MAST1: variants seen among roughly 807,000 people sequenced by gnomAD.
The protein encoded by MAST1 is microtubule associated serine/threonine kinase 1.
In MAST1, 40 loss-of-function variants were observed where a neutral mutation model predicts 124.6. The observed-to-expected ratio is 0.32, with a 90% confidence interval of 0.25 to 0.42. The LOEUF is 0.42. MAST1 is among the 10% of genes least tolerant of loss of function. MAST1 has a pLI of 1.00. For missense variants in MAST1, 1,558 were observed against 2,181.9 expected (o/e 0.71, Z 5.70); for synonymous variants, 938 against 939.4 (o/e 1.00, Z 0.03).
chr19:12,868,666 C>G lies in MAST1; in HGVS notation c.2590C>G (p.Leu864Val), dbSNP rs758880206. The G allele has an allele frequency of 6.2e-7, 1 of 1,604,594 alleles. No individual in the cohort carries two copies. Among genetic ancestry groups the G allele is most frequent in the Non-Finnish European group, 8.5e-7 (1 of 1,173,936 alleles). ...AGCTGACCGTCCACGCCCAGGTGAC[C>G]TCTGCCCACCCTCGAAGGATGGGGA... is the stretch of plus-strand genomic sequence containing the variant. ...EATDRPRPGD[L>V]CPPSKDGDAS... The change falls in exon 21 of 26, where the codon CTC (leucine) becomes GTC (valine). Residue 864 changes from leucine (L) to valine (V), a missense_variant. Coordinates refer to ENST00000251472, the MANE Select transcript of MAST1 (RefSeq NM_014975.3).
Position 12,864,922 on chromosome 19 carries a change from G to A in MAST1, c.1480G>A (p.Val494Met), listed in dbSNP as rs755153742. ...ALEYLHNYGI[V>M]HRDLKPDNLL... ...GGAGTATTTGCACAACTATGGCATC[G>A]TGCACCGCGACCTCAAGCCTGACAA... The change falls in exon 13 of 26, where the codon GTG (valine) becomes ATG (methionine). Residue 494 changes from valine to methionine, a missense_variant. Physicochemically the swap from Val to Met is conservative, Grantham distance 21. Transcript: ENST00000251472. 3.1e-6 allele frequency: 5 copies of A among 1,614,112 alleles called. No individual in the cohort carries two copies. The highest frequency in any genetic ancestry group is 1.7e-5 in the Admixed American group (1 of 60,002).
chr19:12,857,923 G>A (rs553524225), intron 10 of MAST1, among the ~76,000 whole-genome samples: 1 of 146,892 alleles, frequency 6.8e-6, no homozygotes, highest in African/African-American at 2.5e-5. Context: ...GGCTGAGGCA[G>A]GAGAATCACT....
chr19:12,840,872 A>C (rs2145882659), intron 2 of MAST1, 119 bp from the exon 3 acceptor site: 2 of 769,360 alleles, frequency 2.6e-6, no homozygotes, highest in East Asian at 2.4e-5. Flanking sequence ...GCCACAGGCG[A>C]AGGGGCGTGG....
At position 12,874,289 on chromosome 19, in the gene MAST1, G is replaced by T; in HGVS notation, c.4132G>T (p.Gly1378Cys). 6.3e-7 allele frequency: 1 copy of T among 1,591,750 alleles called. No individual in the cohort carries two copies. The highest frequency in any genetic ancestry group is 2.2e-5 in the East Asian group (1 of 44,452). The change falls in exon 26 of 26, where the codon GGT becomes TGT. Residue 1378 changes from glycine to cysteine, a missense_variant. Transcript: ENST00000251472. The surrounding 1 kb of genome is among the most constrained non-coding windows in gnomAD (Gnocchi z 6.6). ...ACTPPRATTP[G>C]GRTLERDVGC... ...CACCCCACCCCGCGCGACGACCCCCGGTGGCCGGACCCTGGAGCGGGACGT... is the reference window on the plus strand; with the variant it reads ...CACCCCACCCCGCGCGACGACCCCCTGTGGCCGGACCCTGGAGCGGGACGT...
intron 7 of MAST1, among the ~76,000 whole-genome samples, chr19:12,850,556 G>C (rs1330150486): frequency 1.3e-5 from 2 of 152,026 alleles, no homozygotes; most frequent in Admixed American, 6.6e-5. Flanking sequence ...TAATTTTACT[G>C]TCCTGGTTTT....
At position 12,865,597 on chromosome 19, in the gene MAST1, G is replaced by A; in HGVS notation, c.1804+116G>A. 1 of 1,470,650 alleles carries A rather than the reference G, an allele frequency of 6.8e-7. No homozygotes were observed. The highest frequency in any genetic ancestry group is 1.3e-5 in the South Asian group (1 of 76,830). The allele number at this position is 1,470,650 out of a possible 1,614,324, so 91.1% of individuals were successfully genotyped here. Reference sequence around the variant, plus strand: ...CCAGAGGATCGCTTGCACTCAGGAGGTCAAGGCTGCAGTGAGCCATGATCG... The same window carrying A: ...CCAGAGGATCGCTTGCACTCAGGAGATCAAGGCTGCAGTGAGCCATGATCG... On this transcript the variant is annotated intron_variant, in intron 15 of 25. Coordinates refer to ENST00000251472, the MANE Select transcript of MAST1 (RefSeq NM_014975.3). This position sits in a 1 kb window ranked among gnomAD's most constrained non-coding sequence, Gnocchi z 7.1.
At chr19:12,871,374 C>G (rs1189389519) in intron 24 of MAST1, among the ~76,000 whole-genome samples, 1 of 151,852 alleles carries the variant, frequency 6.6e-6, no homozygotes, top group Admixed American at 6.6e-5. Context: ...TTTGGGAGGC[C>G]GAGGCGGGCA....
intron 10 of MAST1, among the ~76,000 whole-genome samples, chr19:12,853,304 C>T (rs947534370): frequency 2.0e-5 from 3 of 148,140 alleles, no homozygotes; most frequent in African/African-American, 4.9e-5. Context: ...AATTCGGGGC[C>T]GGGTGCAGTG....
At chr19:12,860,738 C>G (rs2145903417) in intron 12 of MAST1, among the ~76,000 whole-genome samples, 1 of 152,098 alleles carries the variant, frequency 6.6e-6, no homozygotes, top group Admixed American at 6.5e-5. Flanking sequence ...TGAGCCATAG[C>G]TTGCGGCCCA....
At chr19:12,858,505 C>A (rs748469499) in intron 11 of MAST1, 26 bp from the exon 12 acceptor site, 1 of 1,612,156 alleles carries the variant, frequency 6.2e-7, no homozygotes. Context: ...GAGGTGACGG[C>A]CGGTCCTCGC....
Position 12,847,635 on chromosome 19 carries a change from A to C in MAST1, c.512A>C (p.Tyr171Ser), listed in dbSNP as rs1282875057. The C allele has an allele frequency of 7.4e-6, 12 of 1,613,272 alleles. No homozygotes were observed. The highest frequency in any genetic ancestry group is 4.5e-5 in the East Asian group (2 of 44,836). The change falls in exon 6 of 26, where the codon TAC (tyrosine) becomes TCC (serine). Residue 171 changes from tyrosine to serine, a missense_variant. Tyr to Ser is a moderately radical substitution (Grantham distance 144, BLOSUM62 -2). Around this residue, in one of 10 missense-constraint regions of MAST1, gnomAD observed 165 missense variants for 315.3 expected, o/e 0.52. Transcript: ENST00000251472. This position sits in a 1 kb window ranked among gnomAD's most constrained non-coding sequence, Gnocchi z 5.5. ...AGCCCCGGGCGCTCCCCCTCCTCCT[A>C]CGACAACGAGATCGTGATGATGAAT... ...SLSPGRSPSS[Y>S]DNEIVMMNHV...
chr19:12,863,947 C>T (rs948595877), intron 12 of MAST1, among the ~76,000 whole-genome samples: 111 of 132,150 alleles, frequency 8.4e-4, no homozygotes, highest in African/African-American at 3.0e-3. Context: ...TTTTTTGAGA[C>T]GGAGTCTTGC....
rs1239632728 is a variant in MAST1, at chr19:12,851,867, G to C, written c.775-67G>C. On this transcript the variant is annotated intron_variant, in intron 7 of 25. Transcript: ENST00000251472. ...GTAGCAGCAGTATGTACTCTGAGGG[G>C]CTGAGAGAGGGGCCGGGCTGAGGCA... The C allele has an allele frequency of 4.1e-6, 5 of 1,207,826 alleles. No individual in the cohort carries two copies. The African/African-American group carries it at 7.5e-5, about 18-fold the overall frequency. The allele number at this position is 1,207,826 out of a possible 1,614,324, so 74.8% of individuals were successfully genotyped here.
chr19:12,843,448 G>C lies in MAST1; in HGVS notation c.249-81G>C. On this transcript the variant is annotated intron_variant, in intron 3 of 25. Coordinates refer to ENST00000251472, the MANE Select transcript of MAST1 (RefSeq NM_014975.3). The surrounding 1 kb of genome is among the most constrained non-coding windows in gnomAD (Gnocchi z 4.9). ...TCCCCCAACCCCCACCCTGGCCCTG[G>C]CCAGTGGCTTCACCCACACCCTGAG... 1 of 1,081,740 alleles carries C rather than the reference G, an allele frequency of 9.2e-7. No homozygotes were observed. The allele number at this position is 1,081,740 out of a possible 1,614,324, so 67.0% of individuals were successfully genotyped here.
Position 12,865,604 on chromosome 19 carries a change from C to A in MAST1, c.1805-113C>A. The A allele has an allele frequency of 6.9e-7, 1 of 1,452,340 alleles. No individual in the cohort carries two copies. Among genetic ancestry groups the A allele is most frequent in the Non-Finnish European group, 9.4e-7 (1 of 1,062,330 alleles). The allele number at this position is 1,452,340 out of a possible 1,614,324, so 90.0% of individuals were successfully genotyped here. On this transcript the variant is annotated intron_variant, in intron 15 of 25. Transcript: ENST00000251472. This position sits in a 1 kb window ranked among gnomAD's most constrained non-coding sequence, Gnocchi z 7.1. ...ATCGCTTGCACTCAGGAGGTCAAGG[C>A]TGCAGTGAGCCATGATCGTGCCACT...
chr19:12,861,067 T>C (rs1472364661), intron 12 of MAST1, among the ~76,000 whole-genome samples: 1 of 151,832 alleles, frequency 6.6e-6, no homozygotes, highest in Non-Finnish European at 1.5e-5. Context: ...TAAGGACATT[T>C]ATTTATTTAT....
chr19:12,867,943 G>C lies in MAST1; in HGVS notation c.2532G>C (p.Gly844=), dbSNP rs764199632. 1.3e-6 allele frequency: 2 copies of C among 1,579,422 alleles called. No homozygotes were observed. Among genetic ancestry groups the C allele is most frequent in the East Asian group, 4.5e-5 (2 of 44,384 alleles). ...DARAPKEETQ[G]EGTSSAGDSE... ...GGGCCCCCAAAGAGGAGACTCAAGG[G>C]GAAGGCACCTCCAGCGCCGGGGACT... is the stretch of plus-strand genomic sequence containing the variant. The change falls in exon 20 of 26, where the codon GGG becomes GGC. Residue 844 remains glycine, a synonymous_variant. Coordinates refer to ENST00000251472, the MANE Select transcript of MAST1 (RefSeq NM_014975.3).
At position 12,866,767 on chromosome 19, in the gene MAST1, G is replaced by C; in HGVS notation, c.2139+5G>C. 1 of 1,610,700 alleles carries C rather than the reference G, an allele frequency of 6.2e-7. No individual in the cohort carries two copies. The highest frequency in any genetic ancestry group is 8.5e-7 in the Non-Finnish European group (1 of 1,178,152). ...TGCTCTCCGCGCTTCAGCAAGGTGG[G>C]CCAAGTCTGGGTGTGGGACAGGGCG... On this transcript the variant is annotated splice_donor_5th_base_variant and intron_variant, in intron 18 of 25. Transcript: ENST00000251472. This position sits in a 1 kb window ranked among gnomAD's most constrained non-coding sequence, Gnocchi z 5.2.
chr19:12,870,773 C>A, intron 22 of MAST1, 51 bp from the exon 23 acceptor site: 2 of 1,533,444 alleles, frequency 1.3e-6, no homozygotes, highest in Non-Finnish European at 8.8e-7. Flanking sequence ...TAGGAGCTTT[C>A]CTTGTTACCA....
Sources: gnomAD v4.1 joint callset for allele counts (sites outside exome capture counted in the v4.1 genomes callset) on GRCh38, gnomAD v4.1.1 for gene constraint, gnomAD v4.1.1 regional missense constraint, Gnocchi (gnomAD v3.1) non-coding constraint, MANE v1.5 for transcripts, NCBI Gene and HGNC (gene_info 2026-07-23, HGNC 2026-07-21) for gene names.